Variants in COG5 observed in about 807,000 individuals in gnomAD.
COG5 encodes component of oligomeric golgi complex 5, also known as conserved oligomeric Golgi complex subunit 5.
Under a neutral mutation model 110.4 loss-of-function variants are expected in COG5, and 86 were observed. The observed-to-expected ratio is 0.78, with a 90% confidence interval of 0.65 to 0.93. The LOEUF is 0.93. Among genes scored for constraint, COG5 ranks in the 40% least tolerant of loss-of-function variants. The probability of loss-of-function intolerance (pLI) is 0.00; values close to 1 mark genes in which losing one functional copy is unlikely to be tolerated. For synonymous variants in COG5, 360 were observed against 334.6 expected (o/e 1.08, Z -0.83); for missense variants, 1,077 against 987.0 (o/e 1.09, Z -1.22).
rs927362939 is a variant in COG5 at position 107,215,562 on chromosome 7, G to T, written c.2169-4337C>A. Among the ~76,000 whole-genome samples the T allele has an allele frequency of 9.3e-5, 14 of 150,022 alleles. No homozygotes were observed. The South Asian group carries it at 1.9e-3, about 21-fold the overall frequency. Reference sequence around the variant, plus strand: ...ACCTGTAGTCCCAGCTACTCGGGAGGCTGAGGCAGGAGAATGGCGTGAACC... The same window carrying T: ...ACCTGTAGTCCCAGCTACTCGGGAGTCTGAGGCAGGAGAATGGCGTGAACC... On this transcript the variant is annotated intron_variant, in intron 19 of 21. Coordinates refer to ENST00000297135, the MANE Select transcript of COG5 (RefSeq NM_006348.5).
At chr7:107,298,402 T>A (rs1008282542) in intron 11 of COG5, 56 bp from the exon 12 acceptor site, 171 of 1,414,462 alleles carry the variant, frequency 1.2e-4, no homozygotes, top group Non-Finnish European at 1.6e-4. Context: ...AGTAAATGTT[T>A]CTTTTGCATA....
In COG5 at chr7:107,464,347, A is replaced by T. The variant is rs535239433; in HGVS notation, c.539-51715T>A. 7.9e-5 allele frequency among the ~76,000 whole-genome samples: 12 copies of T among 152,238 alleles called. No homozygotes were observed. The South Asian group carries it at 2.5e-3, about 32-fold the overall frequency. On this transcript the variant is annotated intron_variant, in intron 6 of 21. Transcript: ENST00000297135. ...CCCTGAGGCTTGCTGTTTTGTTGAT[A>T]TAATAATAATTTTTCCTCCTCCAGC... is the stretch of plus-strand genomic sequence containing the variant.
At chr7:107,475,408 A>G (rs1796913256) in intron 6 of COG5, 1 of 900,980 alleles carries the variant, frequency 1.1e-6, no homozygotes, top group South Asian at 2.0e-5. Flanking sequence ...TGAGTTTTAA[A>G]TTTAAATTGT....
chr7:107,480,986 G>T (rs1797306063), intron 6 of COG5: 2 of 152,114 alleles, frequency 1.3e-5, no homozygotes, highest in South Asian at 4.2e-4. Flanking sequence ...TTTTCTACAG[G>T]CCTCCATAAG....
chr7:107,227,266 T>TG (rs1800409069), intron 19 of COG5, among the ~76,000 whole-genome samples: 1 of 152,188 alleles, frequency 6.6e-6, no homozygotes, highest in Non-Finnish European at 1.5e-5. Flanking sequence ...ACCATACATA[T>TG]GGGTGTCCAT....
intron 6 of COG5, chr7:107,480,747 T>C (rs900456555): frequency 2.0e-5 from 3 of 152,050 alleles, no homozygotes; most frequent in African/African-American, 4.8e-5. Context: ...AGAATAAATA[T>C]TAAATATTAC....
intron 19 of COG5, among the ~76,000 whole-genome samples, chr7:107,223,902 A>T (rs951168952): frequency 1.3e-5 from 2 of 152,260 alleles, no homozygotes; most frequent in Non-Finnish European, 2.9e-5. Context: ...TAAAACACTC[A>T]GCACAGGCTT....
chr7:107,373,368 T>C (rs117854808), intron 7 of COG5, among the ~76,000 whole-genome samples: 1,951 of 152,226 alleles, frequency 0.013, 19 homozygotes, highest in Non-Finnish European at 0.019. Flanking sequence ...TAACGGGTAG[T>C]AACAAGTGCT....
In COG5 at chr7:107,253,866, C is replaced by G. The variant is rs112657014; in HGVS notation, c.1749+2866G>C. Among the ~76,000 whole-genome samples, 10 of 152,254 alleles carry G rather than the reference C, an allele frequency of 6.6e-5. 3 individuals carry two copies. The highest frequency in any genetic ancestry group is 2.4e-4 in the African/African-American group (10 of 41,566). ...GATGGCTGCTTGGCTCACTCCTTCA[C>G]TTCCTTCAGATTTTTGCCAAAATGT... On this transcript the variant is annotated intron_variant, in intron 16 of 21. Coordinates refer to ENST00000297135, the MANE Select transcript of COG5 (RefSeq NM_006348.5).
chr7:107,303,960 C>T (rs976493539), intron 11 of COG5, among the ~76,000 whole-genome samples: 1 of 152,022 alleles, frequency 6.6e-6, no homozygotes, highest in African/African-American at 2.4e-5. Flanking sequence ...AAATTAATCA[C>T]TAGTGATTAC....
intron 19 of COG5, among the ~76,000 whole-genome samples, chr7:107,221,628 G>C (rs1205637588): frequency 6.6e-6 from 1 of 151,968 alleles, no homozygotes; most frequent in Non-Finnish European, 1.5e-5. Flanking sequence ...AGCCGGGCAT[G>C]GTAGCGTGTG....
chr7:107,220,938 T>A (rs1436074620), intron 19 of COG5, among the ~76,000 whole-genome samples: 1 of 151,542 alleles, frequency 6.6e-6, no homozygotes, highest in East Asian at 2.0e-4. Flanking sequence ...CTGCCTCAGC[T>A]TCCCAAGTAG....
intron 7 of COG5, among the ~76,000 whole-genome samples, chr7:107,410,161 C>T (rs1168242166): frequency 6.6e-6 from 1 of 152,102 alleles, no homozygotes; most frequent in Non-Finnish European, 1.5e-5. Flanking sequence ...TTGAGGGTAT[C>T]ATCAAGGGGA....
chr7:107,548,266 T>C lies in COG5; in HGVS notation c.347+12A>G. On this transcript the variant is annotated intron_variant, in intron 4 of 21. Coordinates refer to ENST00000297135, the MANE Select transcript of COG5 (RefSeq NM_006348.5). The stretch of plus-strand genomic sequence containing the variant: ...TTCCCATTCCATTTATTTATAAAAT[T>C]AAGAACAGTACCTATCAACAGCTCC... 1 of 1,609,000 alleles carries C rather than the reference T, an allele frequency of 6.2e-7. No individual in the cohort carries two copies. The highest frequency in any genetic ancestry group is 8.5e-7 in the Non-Finnish European group (1 of 1,175,430).
intron 2 of COG5, among the ~76,000 whole-genome samples, chr7:107,556,061 G>C (rs1276022930): frequency 6.6e-6 from 1 of 151,778 alleles, no homozygotes; most frequent in African/African-American, 2.4e-5. Flanking sequence ...GTTTCAGCTA[G>C]TAATAAAGGT....
chr7:107,555,980 C>T (rs1803286120), intron 2 of COG5, among the ~76,000 whole-genome samples: 1 of 149,812 alleles, frequency 6.7e-6, no homozygotes, highest in Non-Finnish European at 1.5e-5. Context: ...GCCACTTATA[C>T]ACCAGCCTGG....
At chr7:107,266,794 A>C (rs1000524959) in intron 14 of COG5, among the ~76,000 whole-genome samples, 3 of 152,290 alleles carry the variant, frequency 2.0e-5, no homozygotes, top group Non-Finnish European at 2.9e-5. Flanking sequence ...TAGTATATGG[A>C]CACTGTAACA....
intron 10 of COG5, among the ~76,000 whole-genome samples, chr7:107,326,995 G>A (rs78064065): frequency 0.16 from 23,809 of 151,976 alleles, 2,294 homozygotes; most frequent in Non-Finnish European, 0.22. Context: ...GGGCAACAAA[G>A]GGAGATCCTA....
intron 6 of COG5, among the ~76,000 whole-genome samples, chr7:107,419,787 C>T (rs6947088): frequency 0.012 from 1,817 of 152,094 alleles, 30 homozygotes; most frequent in African/African-American, 0.041. Flanking sequence ...AGGCTAGTCT[C>T]GAACTCCTGA....
Sources: allele counts gnomAD v4.1 joint callset (sites outside exome capture counted in the v4.1 genomes callset), GRCh38; gene constraint gnomAD v4.1.1; transcripts MANE v1.5; gene names NCBI Gene and HGNC (gene_info 2026-07-23, HGNC 2026-07-21).